The following MAGI2 variants were observed in gnomAD, a reference collection of about 807,000 sequenced individuals.
MAGI2 encodes membrane-associated guanylate kinase, WW and PDZ domain-containing protein 2.
In MAGI2, 35 loss-of-function variants were observed where a neutral mutation model predicts 133.3. The ratio of observed to expected loss-of-function variants is 0.26; its 90% confidence interval spans 0.20 to 0.35. The LOEUF is 0.35. Among genes scored for constraint, MAGI2 ranks in the 10% least tolerant of loss-of-function variants. MAGI2 has a pLI of 1.00. For missense variants in MAGI2, 1,636 were observed against 1,863.4 expected, an observed-to-expected ratio of 0.88 and a Z score of 2.25; for synonymous variants, 729 against 710.6, an observed-to-expected ratio of 1.03 and a Z score of -0.41.
intron 2 of MAGI2, among the ~76,000 whole-genome samples, chr7:78,798,073 T>G (rs898127597): frequency 2.3e-4 from 35 of 152,158 alleles, no homozygotes; most frequent in Non-Finnish European, 4.0e-4. Context: ...AACAAAAATA[T>G]GTAACAGGTT....
chr7:78,203,323 G>A (rs1251136459), intron 10 of MAGI2, among the ~76,000 whole-genome samples: 3 of 152,174 alleles, frequency 2.0e-5, no homozygotes, highest in Middle Eastern at 3.2e-3. Flanking sequence ...CACATGAGAC[G>A]TTATCTTGAA....
At chr7:78,404,256 T>G (rs558536569) in intron 6 of MAGI2, among the ~76,000 whole-genome samples, 3 of 152,148 alleles carry the variant, frequency 2.0e-5, no homozygotes, top group Admixed American at 6.6e-5. Context: ...AGGTAATTTA[T>G]AGATTCAATG....
intron 16 of MAGI2, among the ~76,000 whole-genome samples, chr7:78,142,249 C>T (rs766938840): frequency 3.3e-5 from 5 of 152,066 alleles, no homozygotes; most frequent in East Asian, 1.9e-4. Flanking sequence ...TTTGATTTTG[C>T]GCTAGACCCT....
At chr7:79,411,929 T>C (rs999645337) in intron 1 of MAGI2, 3 of 152,046 alleles carry the variant, frequency 2.0e-5, no homozygotes. Flanking sequence ...TTGAATACTA[T>C]ATATTCAATT....
chr7:79,424,139 T>C (rs1847168931), intron 1 of MAGI2, among the ~76,000 whole-genome samples: 1 of 152,226 alleles, frequency 6.6e-6, no homozygotes, highest in South Asian at 2.1e-4. Flanking sequence ...TGAGGCCATA[T>C]AGCTAGTGTC....
chr7:78,346,186 C>T (rs961295880), intron 7 of MAGI2, 143 bp from the exon 8 acceptor site: 3 of 847,996 alleles, frequency 3.5e-6, no homozygotes, highest in African/African-American at 1.7e-5. Flanking sequence ...CGGTCAGGCT[C>T]CTGACTGGGC....
chr7:79,151,905 A>T (rs1395620449), intron 1 of MAGI2, among the ~76,000 whole-genome samples: 2 of 151,140 alleles, frequency 1.3e-5, no homozygotes, highest in Admixed American at 1.3e-4. Flanking sequence ...AAGTCCAGAA[A>T]TTATGGTGTG....
At chr7:79,010,223 T>C (rs1202921348) in intron 1 of MAGI2, among the ~76,000 whole-genome samples, 1 of 65,988 alleles carries the variant, frequency 1.5e-5, no homozygotes, top group African/African-American at 6.0e-5. Context: ...TATGTATGTG[T>C]GATACATATG....
intron 1 of MAGI2, among the ~76,000 whole-genome samples, chr7:79,397,884 T>G (rs1845176389): frequency 6.6e-6 from 1 of 152,308 alleles, no homozygotes; most frequent in Admixed American, 6.5e-5. Flanking sequence ...TAGTTCAAGA[T>G]GCCACTTATT....
At chr7:79,046,267 AG>A (rs945891555) in intron 1 of MAGI2, among the ~76,000 whole-genome samples, 2 of 152,176 alleles carry the variant, frequency 1.3e-5, no homozygotes, top group African/African-American at 4.8e-5. Flanking sequence ...TGAGGTCATA[AG>A]GTGAGGTAAT....
intron 1 of MAGI2, chr7:79,413,805 T>C (rs1017371764): frequency 5.3e-5 from 8 of 152,186 alleles, no homozygotes; most frequent in Non-Finnish European, 1.0e-4. Flanking sequence ...ATTTTCTCCA[T>C]GTTGAAACAC....
At chr7:78,746,794 G>A (rs188747049) in intron 2 of MAGI2, among the ~76,000 whole-genome samples, 1 of 152,080 alleles carries the variant, frequency 6.6e-6, no homozygotes, top group East Asian at 1.9e-4. Flanking sequence ...TTTTTACAAA[G>A]CATATTAATT....
intron 1 of MAGI2, among the ~76,000 whole-genome samples, chr7:79,404,313 A>T (rs2129165706): frequency 6.6e-6 from 1 of 152,054 alleles, no homozygotes. Context: ...TTATGTCTCA[A>T]ATATTCCTCT....
At position 78,674,558 on chromosome 7, in the gene MAGI2, AT is replaced by A. The variant is rs1320167338; in HGVS notation, c.419-47320del. ...AGTTATATAATGTGTAATTTTTAAT[AT>A]TTTGTCTACCTCATTTATTAAATCA... On this transcript the variant is annotated intron_variant, in intron 2 of 21. Coordinates refer to ENST00000354212, the MANE Select transcript of MAGI2 (RefSeq NM_012301.4). Among the ~76,000 whole-genome samples the A allele has an allele frequency of 4.6e-5, 7 of 152,146 alleles. No homozygotes were observed. In the South Asian group the frequency reaches 1.0e-3, roughly 23 times the overall value.
intron 9 of MAGI2, among the ~76,000 whole-genome samples, chr7:78,304,573 T>C (rs561641344): frequency 6.6e-6 from 1 of 152,346 alleles, no homozygotes; most frequent in Admixed American, 6.5e-5. Flanking sequence ...CTAGGTACTG[T>C]CCTGATGCTG....
rs931121471 is a variant in MAGI2 at position 78,403,253 on chromosome 7, T to C, written c.1046-34040A>G. 9.2e-5 allele frequency among the ~76,000 whole-genome samples: 14 copies of C among 152,294 alleles called. No individual in the cohort carries two copies. The East Asian group carries it at 2.7e-3, about 29-fold the overall frequency. ...CCTATGAGTGAGAACATGCGGTGTT[T>C]GGTTTTCTGTCCTTGCGATACTTTG... On this transcript the variant is annotated intron_variant, in intron 6 of 21. Coordinates refer to ENST00000354212, the MANE Select transcript of MAGI2 (RefSeq NM_012301.4).
At chr7:78,750,708 T>C (rs1008419433) in intron 2 of MAGI2, among the ~76,000 whole-genome samples, 7 of 152,108 alleles carry the variant, frequency 4.6e-5, no homozygotes, top group African/African-American at 7.2e-5. Context: ...AGAGAAATCA[T>C]AGGAATGTTG....
chr7:79,262,856 C>T (rs997780075), intron 1 of MAGI2, among the ~76,000 whole-genome samples: 2 of 152,220 alleles, frequency 1.3e-5, no homozygotes, highest in Admixed American at 1.3e-4. Context: ...TGTCATCACA[C>T]TAACATGCTA....
At chr7:78,332,474 G>A (rs1789314473) in intron 9 of MAGI2, among the ~76,000 whole-genome samples, 1 of 152,198 alleles carries the variant, frequency 6.6e-6, no homozygotes, top group East Asian at 1.9e-4. Context: ...CGAGGCGGGA[G>A]GATCACAAGG....
Sources: allele counts gnomAD v4.1 joint callset (sites outside exome capture counted in the v4.1 genomes callset), GRCh38; gene constraint gnomAD v4.1.1; transcripts MANE v1.5; gene names NCBI Gene and HGNC (gene_info 2026-07-23, HGNC 2026-07-21).